RHBDD1: variants seen among roughly 807,000 people sequenced by gnomAD.
RHBDD1 encodes the protein rhomboid-related protein 4.
A neutral mutation model predicts 36.3 loss-of-function variants in RHBDD1; 38 were observed. That is an observed-to-expected ratio of 1.05 (90% CI 0.81 to 1.37). RHBDD1 has a LOEUF of 1.37. Ranked by LOEUF, RHBDD1 falls within the 40% of genes most tolerant of loss-of-function variation. The pLI is 0.00. For missense variants in RHBDD1, 393 were observed against 377.6 expected (o/e 1.04, Z -0.34); for synonymous variants, 151 against 136.5 (o/e 1.11, Z -0.74).
intron 5 of RHBDD1, among the ~76,000 whole-genome samples, chr2:226,873,738 G>A (rs909436527): frequency 2.0e-5 from 3 of 152,162 alleles, no homozygotes; most frequent in Non-Finnish European, 4.4e-5. Context: ...TGCTGGAGTT[G>A]GTTTTGCTGG....
At chr2:226,822,633 CAAA>C in the RHBDD1 span, among the ~76,000 whole-genome samples, 11 of 71,636 alleles carry the variant, frequency 1.5e-4, no homozygotes, top group Admixed American at 3.3e-4. Flanking sequence ...TATTTTGTCT[CAAA>C]AAAAAAAAAA....
At chr2:226,869,069 C>T (rs1417582872) in intron 5 of RHBDD1, 1 of 503,104 alleles carries the variant, frequency 2.0e-6, no homozygotes, top group Non-Finnish European at 2.6e-6. Context: ...GTGATGAATC[C>T]ATTGAATAAC....
chr2:226,835,821 G>A (rs556425378), upstream of RHBDD1: 20 of 152,438 alleles, frequency 1.3e-4, no homozygotes, highest in African/African-American at 3.8e-4. Context: ...GACAGGGCGA[G>A]GGTCCACACT....
At chr2:226,846,309 A>G (rs1251462364) in intron 3 of RHBDD1, among the ~76,000 whole-genome samples, 1 of 152,236 alleles carries the variant, frequency 6.6e-6, no homozygotes, top group African/African-American at 2.4e-5. Context: ...TTGGTAGAGA[A>G]ATCAGAAAAG....
chr2:226,863,775 G>C (rs1944068810), intron 3 of RHBDD1, among the ~76,000 whole-genome samples: 4 of 152,178 alleles, frequency 2.6e-5, no homozygotes, highest in Non-Finnish European at 5.9e-5. Context: ...TCCACATTCT[G>C]TTAGCCAAAG....
chr2:226,851,531 G>A (rs1158226514), intron 3 of RHBDD1, among the ~76,000 whole-genome samples: 1 of 151,948 alleles, frequency 6.6e-6, no homozygotes, highest in Non-Finnish European at 1.5e-5. Flanking sequence ...TCACCTCTCT[G>A]GGAAATAGTC....
chr2:226,983,601 C>A (rs563599624), intron 8 of RHBDD1, among the ~76,000 whole-genome samples: 64 of 152,136 alleles, frequency 4.2e-4, no homozygotes, highest in Middle Eastern at 3.2e-3. Context: ...TTTCAAAGTT[C>A]TTTTCCCACT....
intron 5 of RHBDD1, among the ~76,000 whole-genome samples, chr2:226,872,862 TAA>T (rs1347867398): frequency 6.6e-6 from 1 of 152,252 alleles, no homozygotes; most frequent in African/African-American, 2.4e-5. Flanking sequence ...GGAATTCTGA[TAA>T]AGTTAGTTTG....
At chr2:226,944,334 T>C (rs962487892) in intron 8 of RHBDD1, among the ~76,000 whole-genome samples, 1 of 152,176 alleles carries the variant, frequency 6.6e-6, no homozygotes, top group African/African-American at 2.4e-5. Context: ...AACCTGAGGC[T>C]CTGTGCCCCT....
At chr2:226,807,557 C>T in the RHBDD1 span, 1 of 152,102 alleles carries the variant, frequency 6.6e-6, no homozygotes, top group South Asian at 2.1e-4. Context: ...ATGTTCCATG[C>T]AGAGGAAATG....
At chr2:226,885,667 A>G (rs564516761) in intron 5 of RHBDD1, among the ~76,000 whole-genome samples, 1 of 152,294 alleles carries the variant, frequency 6.6e-6, no homozygotes, top group South Asian at 2.1e-4. Flanking sequence ...AGGTTGTGGA[A>G]TTATTGGTAT....
chr2:226,842,466 A>G (rs148612486), intron 3 of RHBDD1, among the ~76,000 whole-genome samples: 33 of 152,092 alleles, frequency 2.2e-4, no homozygotes, highest in Admixed American at 2.6e-4. Flanking sequence ...TAATTTTTGT[A>G]TGTAATATAA....
intron 5 of RHBDD1, among the ~76,000 whole-genome samples, chr2:226,905,468 C>T (rs186676809): frequency 3.9e-5 from 6 of 152,230 alleles, no homozygotes; most frequent in South Asian, 2.1e-4. Context: ...AGGTAGTAGA[C>T]GATGAGGTCT....
chr2:226,949,914 G>A (rs1485292858), intron 8 of RHBDD1, among the ~76,000 whole-genome samples: 2 of 152,008 alleles, frequency 1.3e-5, no homozygotes, highest in African/African-American at 2.4e-5. Flanking sequence ...TCACTCTAAT[G>A]GCCTTATTTG....
At chr2:226,898,299 C>CT (rs1269235008) in intron 5 of RHBDD1, among the ~76,000 whole-genome samples, 8 of 152,204 alleles carry the variant, frequency 5.3e-5, no homozygotes, top group African/African-American at 1.9e-4. Flanking sequence ...TAAACATTGT[C>CT]TGTTATCTTG....
Position 226,853,154 on chromosome 2 carries a change from G to T in RHBDD1, c.-90-11450G>T, listed in dbSNP as rs192953075. Among the ~76,000 whole-genome samples, 178 of 152,152 alleles carry T rather than the reference G, an allele frequency of 1.2e-3. 3 individuals carry two copies. The Middle Eastern group carries it at 0.027, about 23-fold the overall frequency. On this transcript the variant is annotated intron_variant, in intron 3 of 8. Transcript: ENST00000392062. Reference sequence around the variant, plus strand: ...GGATGTTGAGCTAAAATGAAGCATTGTTTTGGTCCCTTTTACTACTTTTAA... The same window carrying T: ...GGATGTTGAGCTAAAATGAAGCATTTTTTTGGTCCCTTTTACTACTTTTAA...
rs549187318 is a variant in RHBDD1 at position 226,873,310 on chromosome 2, T to C, written c.566+5992T>C. On this transcript the variant is annotated intron_variant, in intron 5 of 8. Transcript: ENST00000392062. ...ATGTATCCTCAACTCAACGTCCCTT[T>C]AGCTGAATCCCAAAAATGCCTGGGG... 2.0e-4 allele frequency among the ~76,000 whole-genome samples: 30 copies of C among 152,326 alleles called. No homozygotes were observed. In the South Asian group the frequency reaches 3.7e-3, roughly 19 times the overall value.
chr2:226,836,820 T>G (rs1941025460), intron 1 of RHBDD1, among the ~76,000 whole-genome samples: 2 of 152,200 alleles, frequency 1.3e-5, no homozygotes, highest in Non-Finnish European at 2.9e-5. Flanking sequence ...TTTCTCACAG[T>G]TGTGTGTCTT....
At chr2:226,871,402 A>G (rs934800268) in intron 5 of RHBDD1, among the ~76,000 whole-genome samples, 18 of 152,264 alleles carry the variant, frequency 1.2e-4, no homozygotes, top group Admixed American at 9.8e-4. Context: ...ATGCAAAAGA[A>G]AATTAACAGT....
Sources: gnomAD v4.1 joint callset for allele counts (sites outside exome capture counted in the v4.1 genomes callset) on GRCh38, gnomAD v4.1.1 for gene constraint, MANE v1.5 for transcripts, NCBI Gene and HGNC (gene_info 2026-07-23, HGNC 2026-07-21) for gene names.